Variants in VPS13B observed in about 807,000 individuals in gnomAD.
VPS13B encodes vacuolar protein sorting 13 homolog B.
VPS13B carries 285 observed loss-of-function variants against 426.4 expected under a neutral mutation model. That is an observed-to-expected ratio of 0.67 (90% CI 0.61 to 0.74). VPS13B has a LOEUF of 0.74. VPS13B is among the 30% of genes least tolerant of loss of function. The pLI is 0.00. For synonymous variants in VPS13B, 1,676 were observed against 1,676.4 expected, an observed-to-expected ratio of 1.00 and a Z score of 0.01; for missense variants, 4,537 against 4,782.6, an observed-to-expected ratio of 0.95 and a Z score of 1.51.
At chr8:99,837,148 GA>G (rs1200003019) in intron 54 of VPS13B, among the ~76,000 whole-genome samples, 1 of 152,152 alleles carries the variant, frequency 6.6e-6, no homozygotes, top group Admixed American at 6.5e-5. Flanking sequence ...GGGAGAGAAG[GA>G]AAAAGAGAGG....
At chr8:99,498,597 A>G (rs1305837256) in intron 25 of VPS13B, among the ~76,000 whole-genome samples, 1 of 152,140 alleles carries the variant, frequency 6.6e-6, no homozygotes, top group Admixed American at 6.5e-5. Flanking sequence ...CATTCTAACA[A>G]TTGTTTGTAT....
chr8:99,256,787 A>T (rs183289092), intron 17 of VPS13B, among the ~76,000 whole-genome samples: 10 of 152,250 alleles, frequency 6.6e-5, no homozygotes, highest in Admixed American at 1.3e-4. Context: ...TCTGGATACC[A>T]GCGTCTCATC....
intron 43 of VPS13B, among the ~76,000 whole-genome samples, chr8:99,797,588 T>C (rs1039577895): frequency 6.6e-6 from 1 of 152,208 alleles, no homozygotes; most frequent in Non-Finnish European, 1.5e-5. Context: ...TCAATTCAGT[T>C]GGGCTCTTAA....
intron 35 of VPS13B, among the ~76,000 whole-genome samples, chr8:99,695,688 T>A: frequency 1.7e-5 from 2 of 117,522 alleles, no homozygotes. Context: ...CCCTAAAACT[T>A]AAAGTATAAT....
intron 19 of VPS13B, among the ~76,000 whole-genome samples, chr8:99,336,744 T>G (rs953618189): frequency 6.6e-6 from 1 of 151,966 alleles, no homozygotes; most frequent in Admixed American, 6.6e-5. Flanking sequence ...TTTATGCAGC[T>G]AAAAAACACA....
chr8:99,870,558 C>T (rs1345685421), intron 59 of VPS13B, among the ~76,000 whole-genome samples: 1 of 152,140 alleles, frequency 6.6e-6, no homozygotes. Flanking sequence ...CTAGTCTATG[C>T]TTGGACTGTG....
At chr8:99,035,838 G>T (rs1842717496) in intron 2 of VPS13B, among the ~76,000 whole-genome samples, 1 of 152,032 alleles carries the variant, frequency 6.6e-6, no homozygotes, top group South Asian at 2.1e-4. Flanking sequence ...TTTTGATAAT[G>T]GCCATTGTTA....
intron 25 of VPS13B, among the ~76,000 whole-genome samples, chr8:99,483,928 A>G (rs1190785846): frequency 6.6e-6 from 1 of 152,166 alleles, no homozygotes; most frequent in Non-Finnish European, 1.5e-5. Context: ...ACAAAAGGAC[A>G]TGATGGCCCT....
chr8:99,842,813 G>A (rs1473364102), intron 54 of VPS13B, among the ~76,000 whole-genome samples: 1 of 152,128 alleles, frequency 6.6e-6, no homozygotes, highest in Non-Finnish European at 1.5e-5. Context: ...ATTGTACTAA[G>A]TAGAAACCAG....
chr8:99,204,443 G>C (rs1814557397), intron 17 of VPS13B, among the ~76,000 whole-genome samples: 1 of 152,108 alleles, frequency 6.6e-6, no homozygotes, highest in Non-Finnish European at 1.5e-5. Context: ...CAGGACATAG[G>C]CACAGGCAAA....
intron 35 of VPS13B, among the ~76,000 whole-genome samples, chr8:99,682,046 A>G (rs867247195): frequency 2.6e-4 from 39 of 152,240 alleles, no homozygotes; most frequent in African/African-American, 9.2e-4. Context: ...TTTTCAAATG[A>G]TGTTTTTTAA....
chr8:99,387,669 A>C (rs1019959258), intron 20 of VPS13B, among the ~76,000 whole-genome samples: 3 of 152,158 alleles, frequency 2.0e-5, no homozygotes, highest in South Asian at 4.1e-4. Context: ...AATCGAGAGA[A>C]TTGCATAGTT....
intron 35 of VPS13B, among the ~76,000 whole-genome samples, chr8:99,670,758 T>G (rs1830681634): frequency 1.3e-5 from 2 of 152,166 alleles, no homozygotes; most frequent in African/African-American, 4.8e-5. Flanking sequence ...GTTTGGTTTA[T>G]TTCATTTAGC....
At chr8:99,511,579 GTTT>G in intron 29 of VPS13B, 67 bp downstream of exon 29, 1 of 1,507,924 alleles carries the variant, frequency 6.6e-7, no homozygotes, top group Non-Finnish European at 8.9e-7. Context: ...AGTTTTCTGG[GTTT>G]TTTTGTTTCT....
chr8:99,718,078 A>G (rs1488078486), intron 37 of VPS13B, among the ~76,000 whole-genome samples: 1 of 145,616 alleles, frequency 6.9e-6, no homozygotes, highest in African/African-American at 2.6e-5. Context: ...TTTTTTTTTT[A>G]TGGGTAGACT....
At chr8:99,616,263 A>T (rs2133884192) in intron 33 of VPS13B, among the ~76,000 whole-genome samples, 1 of 152,300 alleles carries the variant, frequency 6.6e-6, no homozygotes, top group East Asian at 1.9e-4. Context: ...TATTTATTGT[A>T]TGTTTACTAT....
intron 39 of VPS13B, among the ~76,000 whole-genome samples, chr8:99,740,708 A>G (rs1393594833): frequency 2.0e-5 from 3 of 152,216 alleles, no homozygotes; most frequent in Non-Finnish European, 4.4e-5. Flanking sequence ...CCAGAATTTC[A>G]TATCCAGCCA....
At chr8:99,222,797 C>T (rs930221261) in intron 17 of VPS13B, among the ~76,000 whole-genome samples, 3 of 151,974 alleles carry the variant, frequency 2.0e-5, no homozygotes, top group Non-Finnish European at 4.4e-5. Flanking sequence ...TTATAAAGTG[C>T]TCATTATTGG....
intron 16 of VPS13B, among the ~76,000 whole-genome samples, chr8:99,182,256 A>G (rs1473523062): frequency 1.3e-5 from 2 of 152,190 alleles, no homozygotes; most frequent in East Asian, 3.8e-4. Context: ...GTATGATTCT[A>G]TTTATATGAA....
Sources: gnomAD v4.1 joint callset for allele counts (sites outside exome capture counted in the v4.1 genomes callset) on GRCh38, gnomAD v4.1.1 for gene constraint, MANE v1.5 for transcripts, NCBI Gene and HGNC (gene_info 2026-07-23, HGNC 2026-07-21) for gene names.